ERAP1: variants seen among roughly 807,000 people sequenced by gnomAD.
The protein encoded by ERAP1 is endoplasmic reticulum aminopeptidase 1.
A neutral mutation model predicts 103.7 loss-of-function variants in ERAP1; 86 were observed. The observed-to-expected ratio is 0.83, with a 90% confidence interval of 0.70 to 0.99. ERAP1 has a LOEUF of 0.99. Among genes scored for constraint, ERAP1 ranks in the 50% least tolerant of loss-of-function variants. The probability of loss-of-function intolerance (pLI) is 0.00; values close to 1 mark genes in which losing one functional copy is unlikely to be tolerated. For missense variants in ERAP1, 1,009 were observed against 1,128.4 expected (o/e 0.89, Z 1.52); for synonymous variants, 398 against 402.4 (o/e 0.99, Z 0.13).
At chr5:96,887,303 CTTT>C in the ERAP1 span, among the ~76,000 whole-genome samples, 1 of 137,534 alleles carries the variant, frequency 7.3e-6, no homozygotes, top group Non-Finnish European at 1.5e-5. Context: ...TTGTTTCCGA[CTTT>C]TTTTTTTTTT....
the ERAP1 span, chr5:96,934,087 C>T: frequency 5.3e-5 from 8 of 152,240 alleles, no homozygotes; most frequent in African/African-American, 1.9e-4. Context: ...ATGTCCTTCA[C>T]TTATTCATGC....
At chr5:96,916,561 T>C in the ERAP1 span, among the ~76,000 whole-genome samples, 3 of 150,010 alleles carry the variant, frequency 2.0e-5, no homozygotes, top group Non-Finnish European at 3.0e-5. Context: ...CCTCCCAGGT[T>C]CACGCCATTC....
the ERAP1 span, among the ~76,000 whole-genome samples, chr5:96,856,059 TC>T: frequency 6.6e-6 from 1 of 151,662 alleles, no homozygotes; most frequent in Non-Finnish European, 1.5e-5. Context: ...GTGGCTCATG[TC>T]TGTAATCCCA....
At chr5:96,900,097 T>A in the ERAP1 span, 13 of 1,613,642 alleles carry the variant, frequency 8.1e-6, no homozygotes, top group Non-Finnish European at 1.1e-5. Context: ...TACATTGCAG[T>A]GCTCTTTTGT....
chr5:96,842,332 A>G, the ERAP1 span, among the ~76,000 whole-genome samples: 1 of 152,110 alleles, frequency 6.6e-6, no homozygotes, highest in Admixed American at 6.5e-5. Flanking sequence ...CAAATGGTTG[A>G]TCTACTTTTA....
the ERAP1 span, among the ~76,000 whole-genome samples, chr5:96,930,146 G>T: frequency 6.6e-6 from 1 of 152,116 alleles, no homozygotes; most frequent in Non-Finnish European, 1.5e-5. Flanking sequence ...AGGGCTAAAC[G>T]GAAACCAGCC....
At chr5:96,844,777 C>T in the ERAP1 span, among the ~76,000 whole-genome samples, 1 of 152,240 alleles carries the variant, frequency 6.6e-6, no homozygotes, top group Non-Finnish European at 1.5e-5. Context: ...AGCATGGCTT[C>T]TGGCACTCTC....
rs1030552006 is a variant in ERAP1 at position 96,775,228 on chromosome 5, A to C, written c.*1168T>G. On this transcript the variant is annotated 3_prime_UTR_variant, in exon 19 of 19. Coordinates refer to ENST00000443439, the MANE Select transcript of ERAP1 (RefSeq NM_001040458.3). ...ATCTATACATAAAACCTGAGCAGCA[A>C]CTGTGTGCTGAAGCAACCGTGTGTG... The C allele has an allele frequency of 1.0e-6, 1 of 984,550 alleles. No homozygotes were observed. Among genetic ancestry groups the C allele is most frequent in the Non-Finnish European group, 1.2e-6 (1 of 829,794 alleles). The allele number at this position is 984,550 out of a possible 1,614,324, so 61.0% of individuals were successfully genotyped here. A position where few individuals can be genotyped will look rare whatever the true frequency, so the allele number is the denominator to read the frequency against.
chr5:96,816,583 A>G, the ERAP1 span, among the ~76,000 whole-genome samples: 1 of 152,190 alleles, frequency 6.6e-6, no homozygotes, highest in East Asian at 1.9e-4. Context: ...CATTAACATA[A>G]CATTAGCGTT....
At chr5:96,912,203 A>G in the ERAP1 span, among the ~76,000 whole-genome samples, 4 of 140,946 alleles carry the variant, frequency 2.8e-5, 1 homozygote, top group South Asian at 9.0e-4. Flanking sequence ...AAAAAAAAAA[A>G]AGAAAAGAAA....
the ERAP1 span, among the ~76,000 whole-genome samples, chr5:96,855,747 A>AT: frequency 6.6e-6 from 1 of 152,214 alleles, no homozygotes; most frequent in Non-Finnish European, 1.5e-5. Flanking sequence ...TTTAGATCTG[A>AT]TTTCACAGTC....
chr5:96,915,734 ACAG>A, the ERAP1 span: 1 of 1,600,658 alleles, frequency 6.2e-7, no homozygotes, highest in Non-Finnish European at 8.5e-7. Context: ...CTCTGGCACA[ACAG>A]CTCACTTTTC....
chr5:96,892,003 G>T, the ERAP1 span, among the ~76,000 whole-genome samples: 1 of 151,974 alleles, frequency 6.6e-6, no homozygotes, highest in African/African-American at 2.4e-5. Context: ...TTATTTTCTT[G>T]GCAGTAAGGC....
intron 7 of ERAP1, 86 bp downstream of exon 7, chr5:96,793,314 A>G (rs1484070592): frequency 2.1e-6 from 2 of 952,386 alleles, no homozygotes; most frequent in Non-Finnish European, 3.4e-6. Flanking sequence ...TATAAGTTCT[A>G]TAATCAAAGA....
chr5:96,790,242 AAT>A (rs1776571606), intron 10 of ERAP1, 52 bp downstream of exon 10: 5 of 1,532,018 alleles, frequency 3.3e-6, no homozygotes, highest in South Asian at 1.1e-5. Flanking sequence ...CCTTTCAAAG[AAT>A]ATGCAGTAAA....
intron 3 of ERAP1, among the ~76,000 whole-genome samples, chr5:96,798,991 C>G (rs1416708550): frequency 6.6e-6 from 1 of 151,750 alleles, no homozygotes; most frequent in Non-Finnish European, 1.5e-5. Flanking sequence ...CCTCAGCCCC[C>G]CAAGTAGCTA....
the ERAP1 span, chr5:96,913,590 C>T: frequency 9.4e-7 from 1 of 1,066,736 alleles, no homozygotes; most frequent in South Asian, 1.4e-5. Flanking sequence ...GTGGAGTCAA[C>T]TTTGAAACTC....
At chr5:96,802,307 T>C (rs1778098023) in intron 2 of ERAP1, among the ~76,000 whole-genome samples, 1 of 152,088 alleles carries the variant, frequency 6.6e-6, no homozygotes, top group Non-Finnish European at 1.5e-5. Context: ...CTAGTAATAG[T>C]CATTTATATA....
chr5:96,896,947 T>G, the ERAP1 span: 1 of 1,378,062 alleles, frequency 7.3e-7, no homozygotes, highest in Non-Finnish European at 9.6e-7. Context: ...AATAGCTATA[T>G]ATTGTCAGTC....
Sources: allele counts gnomAD v4.1 joint callset (sites outside exome capture counted in the v4.1 genomes callset), GRCh38; gene constraint gnomAD v4.1.1; transcripts MANE v1.5; gene names NCBI Gene and HGNC (gene_info 2026-07-23, HGNC 2026-07-21).